Variants in MPP7 observed in about 807,000 individuals in gnomAD.
MPP7 encodes the protein MAGUK p55 subfamily member 7.
In MPP7, 60 loss-of-function variants were observed where a neutral mutation model predicts 76.5. The observed-to-expected ratio is 0.78, with a 90% confidence interval of 0.64 to 0.97. The LOEUF is 0.97. Among genes scored for constraint, MPP7 ranks in the 50% least tolerant of loss-of-function variants. The probability of loss-of-function intolerance (pLI) is 0.00; values close to 1 mark genes in which losing one functional copy is unlikely to be tolerated. For synonymous variants in MPP7, 237 were observed against 244.5 expected, an observed-to-expected ratio of 0.97 and a Z score of 0.29; for missense variants, 641 against 694.0, an observed-to-expected ratio of 0.92 and a Z score of 0.86.
chr10:28,069,321 T>C (rs1478461766), intron 13 of MPP7, among the ~76,000 whole-genome samples: 1 of 152,158 alleles, frequency 6.6e-6, no homozygotes, highest in Non-Finnish European at 1.5e-5. Flanking sequence ...TCAAAACACC[T>C]TGGCCAGGTG....
At chr10:28,118,477 T>C (rs1834727441) in intron 11 of MPP7, 1 of 985,268 alleles carries the variant, frequency 1.0e-6, no homozygotes, top group Non-Finnish European at 1.2e-6. Flanking sequence ...ATATTAGAAA[T>C]GTGTAAGCCT....
chr10:28,201,601 G>A (rs1053822226), intron 3 of MPP7, among the ~76,000 whole-genome samples: 14 of 151,978 alleles, frequency 9.2e-5, no homozygotes, highest in African/African-American at 3.4e-4. Flanking sequence ...TCATTTTCAT[G>A]GCATGATGCT....
At chr10:28,212,806 T>C (rs1159269480) in intron 2 of MPP7, among the ~76,000 whole-genome samples, 1 of 152,168 alleles carries the variant, frequency 6.6e-6, no homozygotes, top group Middle Eastern at 3.2e-3. Flanking sequence ...GACTGAGAAC[T>C]AAGCGTTGGA....
In MPP7 at chr10:28,096,010, C is replaced by T. The variant is rs904094666; in HGVS notation, c.953-6169G>A. Among the ~76,000 whole-genome samples, 4 of 152,188 alleles carry T rather than the reference C, an allele frequency of 2.6e-5. No homozygotes were observed. The South Asian group carries it at 8.3e-4, about 32-fold the overall frequency. ...CTGCAGGTCAGTCCCTAATCACAGACACCGCTTATCTAATATTTTCCAGTA... is the reference window on the plus strand; with the variant it reads ...CTGCAGGTCAGTCCCTAATCACAGATACCGCTTATCTAATATTTTCCAGTA... On this transcript the variant is annotated intron_variant, in intron 11 of 16. Transcript: ENST00000683449.
At chr10:28,120,880 C>G (rs1349004120) in intron 8 of MPP7, among the ~76,000 whole-genome samples, 1 of 152,156 alleles carries the variant, frequency 6.6e-6, no homozygotes, top group African/African-American at 2.4e-5. Context: ...AACATTAACT[C>G]CTAAATCCAC....
Position 28,246,167 on chromosome 10 carries a change from T to C in MPP7, c.-131-7432A>G, listed in dbSNP as rs112374348. ...CATGCTAAGACATATTATAATTAAA[T>C]TGTCAAAAGTCACAGAGAGAATCTT... On this transcript the variant is annotated intron_variant, in intron 1 of 16. Transcript: ENST00000683449. Among the ~76,000 whole-genome samples the C allele has an allele frequency of 3.4e-3, 511 of 152,218 alleles. 5 individuals carry two copies. The highest frequency in any genetic ancestry group is 0.011 in the African/African-American group (475 of 41,532).
chr10:28,135,593 G>T (rs1835330127), intron 5 of MPP7, among the ~76,000 whole-genome samples: 1 of 152,110 alleles, frequency 6.6e-6, no homozygotes, highest in African/African-American at 2.4e-5. Context: ...TTGAGAAACT[G>T]CATTACAAGG....
chr10:28,303,383 TGAG>T (rs1841214987), upstream of MPP7: 1 of 152,202 alleles, frequency 6.6e-6, no homozygotes, highest in African/African-American at 2.4e-5. Flanking sequence ...GCAACCTCCC[TGAG>T]GAGAACCCCG....
At chr10:28,087,660 C>A (rs7478252) in intron 12 of MPP7, among the ~76,000 whole-genome samples, 1 of 152,100 alleles carries the variant, frequency 6.6e-6, no homozygotes, top group African/African-American at 2.4e-5. Context: ...CCTCCCAAAG[C>A]GCTGGGATTA....
chr10:28,297,269 T>A (rs938940903), intron 1 of MPP7, among the ~76,000 whole-genome samples: 25 of 152,248 alleles, frequency 1.6e-4, no homozygotes, highest in African/African-American at 6.0e-4. Flanking sequence ...TTTTTTAAAA[T>A]GCTAGTGATC....
chr10:28,075,353 A>G (rs1271569222), intron 12 of MPP7, among the ~76,000 whole-genome samples: 1 of 151,972 alleles, frequency 6.6e-6, no homozygotes, highest in African/African-American at 2.4e-5. Flanking sequence ...CCACACCTGA[A>G]CCACAGAGTG....
intron 11 of MPP7, among the ~76,000 whole-genome samples, chr10:28,117,096 TC>T (rs1259864896): frequency 1.3e-5 from 2 of 151,952 alleles, no homozygotes; most frequent in Non-Finnish European, 2.9e-5. Context: ...CATGAACTTT[TC>T]CCCCATGCAA....
intron 2 of MPP7, among the ~76,000 whole-genome samples, chr10:28,317,540 AG>A (rs1358162847): frequency 6.6e-6 from 1 of 152,214 alleles, no homozygotes; most frequent in African/African-American, 2.4e-5. Flanking sequence ...TTAAAAATAA[AG>A]GGTAAAAAAT....
At chr10:28,257,049 T>C (rs1839808859) in intron 1 of MPP7, among the ~76,000 whole-genome samples, 1 of 152,176 alleles carries the variant, frequency 6.6e-6, no homozygotes, top group South Asian at 2.1e-4. Context: ...AGGAGAAAGA[T>C]AGTTCTCAGA....
chr10:28,061,635 C>G (rs1851788060), intron 13 of MPP7, among the ~76,000 whole-genome samples: 1 of 152,114 alleles, frequency 6.6e-6, no homozygotes, highest in African/African-American at 2.4e-5. Flanking sequence ...GAAATAAAGG[C>G]CCCAAACTTC....
chr10:28,205,642 T>C (rs959905779), intron 2 of MPP7, among the ~76,000 whole-genome samples: 4 of 152,128 alleles, frequency 2.6e-5, no homozygotes, highest in Non-Finnish European at 2.9e-5. Flanking sequence ...GAGTTGGCAG[T>C]GCAGCAGACA....
At chr10:28,306,187 A>G (rs746778013), upstream of MPP7, among the ~76,000 whole-genome samples, 18 of 152,234 alleles carry the variant, frequency 1.2e-4, no homozygotes, top group Non-Finnish European at 2.4e-4. Flanking sequence ...AGGAAATGTC[A>G]AAGTATCTCA....
At chr10:28,094,978 A>T (rs190967237) in intron 11 of MPP7, among the ~76,000 whole-genome samples, 12 of 152,074 alleles carry the variant, frequency 7.9e-5, no homozygotes, top group African/African-American at 2.6e-4. Flanking sequence ...AAATAAGTTT[A>T]AAAAATACAA....
intron 8 of MPP7, among the ~76,000 whole-genome samples, chr10:28,122,226 A>G (rs1834864509): frequency 6.6e-6 from 1 of 152,062 alleles, no homozygotes; most frequent in Admixed American, 6.6e-5. Context: ...AAATGGATCT[A>G]TGGTCCTTAC....
Sources: allele counts gnomAD v4.1 joint callset (sites outside exome capture counted in the v4.1 genomes callset), GRCh38; gene constraint gnomAD v4.1.1; transcripts MANE v1.5; gene names NCBI Gene and HGNC (gene_info 2026-07-23, HGNC 2026-07-21).